TECPR2: variants seen among roughly 807,000 people sequenced by gnomAD.
TECPR2 encodes tectonin beta-propeller repeat-containing protein 2.
In TECPR2, 65 loss-of-function variants were observed where a neutral mutation model predicts 138.1. The ratio of observed to expected loss-of-function variants is 0.47; its 90% CI spans 0.39 to 0.58. The LOEUF (loss-of-function observed/expected upper bound fraction) is 0.58, where lower values mean the gene tolerates loss of function less well. Ranked by LOEUF, TECPR2 falls within the 20% of genes least tolerant of loss-of-function variation. The pLI is 0.00. For synonymous variants in TECPR2, 746 were observed against 749.8 expected (o/e 0.99, Z 0.08); for missense variants, 1,553 against 1,824.5 (o/e 0.85, Z 2.71).
At chr14:102,462,284 G>C (rs893800944) in intron 16 of TECPR2, among the ~76,000 whole-genome samples, 2 of 152,204 alleles carry the variant, frequency 1.3e-5, no homozygotes, top group Non-Finnish European at 2.9e-5. Flanking sequence ...TAGAGTTACT[G>C]TTGAAGGTAC....
At position 102,407,394 on chromosome 14, in the gene TECPR2, G is replaced by A; in HGVS notation, c.276G>A (p.Val92=). ...VKLLSCFDDL[V]AAGTASGRVA... The stretch of plus-strand genomic sequence containing the variant: ...TGCTGAGCTGCTTTGATGACCTGGT[G>A]GCAGCAGGCACAGCCTCTGGCAGGG... Residue 92 remains valine, a synonymous_variant, in exon 3 of 20, where the codon GTG becomes GTA. Coordinates refer to ENST00000359520, the MANE Select transcript of TECPR2 (RefSeq NM_014844.5). The A allele has an allele frequency of 6.2e-7, 1 of 1,613,718 alleles. No homozygotes were observed.
chr14:102,477,620 G>A (rs1216728888), intron 17 of TECPR2, among the ~76,000 whole-genome samples: 1 of 145,380 alleles, frequency 6.9e-6, no homozygotes, highest in African/African-American at 2.5e-5. Flanking sequence ...GTGCGATCTC[G>A]GCTCACTGCA....
At chr14:102,363,238 T>TA (rs1317920104) in intron 1 of TECPR2, 122 bp downstream of exon 1, 5 of 199,512 alleles carry the variant, frequency 2.5e-5, no homozygotes, top group African/African-American at 1.2e-4. Context: ...AGGGTCTCCA[T>TA]GCCCGTCCGC....
chr14:102,429,405 C>T (rs940300186), intron 7 of TECPR2, among the ~76,000 whole-genome samples: 2 of 152,202 alleles, frequency 1.3e-5, no homozygotes, highest in Non-Finnish European at 2.9e-5. Flanking sequence ...TCATCTGGGA[C>T]ATACCGTTTA....
chr14:102,501,700 C>T lies in TECPR2; in HGVS notation c.*3443C>T, dbSNP rs887584127. 2.0e-5 allele frequency: 3 copies of T among 152,120 alleles called. No individual in the cohort carries two copies. The highest frequency in any genetic ancestry group is 4.4e-5 in the Non-Finnish European group (3 of 68,030). The allele number at this position is 152,120 out of a possible 1,614,324, so 9.4% of individuals were successfully genotyped here. ...AGTGCGCCCTTCAGCAGCATGTATA[C>T]AAAAATTGCAACGATACAGAGATTA... On this transcript the variant is annotated 3_prime_UTR_variant, in exon 20 of 20. Coordinates refer to ENST00000359520, the MANE Select transcript of TECPR2 (RefSeq NM_014844.5).
At chr14:102,496,929 C>T (rs781526254) in intron 17 of TECPR2, 50 bp from the exon 18 acceptor site, 2 of 1,601,020 alleles carry the variant, frequency 1.2e-6, no homozygotes, top group South Asian at 1.1e-5. Flanking sequence ...CCTGTCCTTT[C>T]TCTTGTCACC....
chr14:102,462,173 CT>C (rs1890426598), intron 16 of TECPR2, among the ~76,000 whole-genome samples: 1 of 152,166 alleles, frequency 6.6e-6, no homozygotes, highest in African/African-American at 2.4e-5. Context: ...CCATGTGACT[CT>C]GTTAGCATGA....
chr14:102,375,638 G>A (rs527408163), intron 1 of TECPR2, among the ~76,000 whole-genome samples: 64 of 152,192 alleles, frequency 4.2e-4, no homozygotes, highest in Non-Finnish European at 7.6e-4. Flanking sequence ...AATCCATGAT[G>A]CAAGAAGTTT....
chr14:102,464,931 C>T (rs1327200832), intron 16 of TECPR2, among the ~76,000 whole-genome samples: 1 of 152,230 alleles, frequency 6.6e-6, no homozygotes, highest in African/African-American at 2.4e-5. Context: ...CATTATTACT[C>T]TCTTGAGTTA....
intron 7 of TECPR2, among the ~76,000 whole-genome samples, chr14:102,429,545 G>A (rs17717925): frequency 0.041 from 6,173 of 152,228 alleles, 144 homozygotes; most frequent in Middle Eastern, 0.092. Context: ...ACATCCACAT[G>A]CTTTATATAT....
At position 102,497,576 on chromosome 14, in the gene TECPR2, A is replaced by G; in HGVS notation, c.3938A>G (p.Gln1313Arg). ...GTAWEHVPGL[Q>R]ACQLALSTRT... ...GGACCCTGTCTGCCCACAGGGTTGC[A>G]GGCCTGCCAGCTGGCGCTGAGCACC... The change falls in exon 19 of 20, where the codon CAG (glutamine) becomes CGG (arginine). Residue 1313 changes from glutamine to arginine, a missense_variant. Coordinates refer to ENST00000359520, the MANE Select transcript of TECPR2 (RefSeq NM_014844.5). 1.3e-6 allele frequency: 2 copies of G among 1,597,094 alleles called. No homozygotes were observed. Among genetic ancestry groups the G allele is most frequent in the Non-Finnish European group, 1.7e-6 (2 of 1,170,840 alleles).
At chr14:102,408,011 A>T (rs894503869) in intron 3 of TECPR2, among the ~76,000 whole-genome samples, 18 of 151,038 alleles carry the variant, frequency 1.2e-4, no homozygotes, top group Non-Finnish European at 2.5e-4. Flanking sequence ...AAGAAAAAAA[A>T]TACAAAAATT....
intron 13 of TECPR2, among the ~76,000 whole-genome samples, chr14:102,449,264 C>G (rs143594092): frequency 1.1e-3 from 174 of 152,346 alleles, no homozygotes; most frequent in African/African-American, 4.1e-3. Flanking sequence ...CAAAATTATT[C>G]TTTCTCACTC....
chr14:102,485,670 A>T (rs78285570), intron 17 of TECPR2, among the ~76,000 whole-genome samples: 1,933 of 152,242 alleles, frequency 0.013, 47 homozygotes, highest in African/African-American at 0.044. Flanking sequence ...GTGTGCCCCC[A>T]GTAAAACCAT....
intron 2 of TECPR2, among the ~76,000 whole-genome samples, chr14:102,405,325 A>G (rs1567326633): frequency 6.6e-6 from 1 of 152,190 alleles, no homozygotes; most frequent in South Asian, 2.1e-4. Context: ...AAACAAACAG[A>G]CAAAAAACTC....
chr14:102,475,996 C>T (rs1038622407), intron 17 of TECPR2, among the ~76,000 whole-genome samples: 15 of 152,248 alleles, frequency 9.9e-5, no homozygotes, highest in African/African-American at 3.6e-4. Flanking sequence ...GGGCAGACCA[C>T]CTGAGGTCAG....
At chr14:102,458,946 A>T (rs1413522061) in intron 16 of TECPR2, among the ~76,000 whole-genome samples, 1 of 108,676 alleles carries the variant, frequency 9.2e-6, no homozygotes, top group South Asian at 3.1e-4. Context: ...CCTGTTTCTT[A>T]AAAAAAAAAA....
chr14:102,465,490 T>G, intron 17 of TECPR2: 1 of 1,341,850 alleles, frequency 7.5e-7, no homozygotes, highest in Non-Finnish European at 9.5e-7. Context: ...CTGAACAGAC[T>G]GTTACAGATT....
In TECPR2 at chr14:102,443,856, A is replaced by G. The variant is rs910805897; in HGVS notation, c.2933+29A>G. ...CTGGCGGGCCAGAGACTCCTTTCAC[A>G]TCGTGCTTGTCCTACCCTTCGTTCT... is the stretch of plus-strand genomic sequence containing the variant. On this transcript the variant is annotated intron_variant, in intron 12 of 19. Coordinates refer to ENST00000359520, the MANE Select transcript of TECPR2 (RefSeq NM_014844.5). The surrounding 1 kb of genome is among the most constrained non-coding windows in gnomAD (Gnocchi z 4.9). 53 of 1,523,872 alleles carry G rather than the reference A, an allele frequency of 3.5e-5. 1 individual carries two copies. The East Asian group carries it at 1.1e-3, about 32-fold the overall frequency. The allele number at this position is 1,523,872 out of a possible 1,614,324, so 94.4% of individuals were successfully genotyped here.
Sources: allele counts gnomAD v4.1 joint callset (sites outside exome capture counted in the v4.1 genomes callset), GRCh38; gene constraint gnomAD v4.1.1; non-coding constraint Gnocchi (gnomAD v3.1); transcripts MANE v1.5; gene names NCBI Gene and HGNC (gene_info 2026-07-23, HGNC 2026-07-21).